TMEM74: variants seen among roughly 807,000 people sequenced by gnomAD.
TMEM74 encodes transmembrane protein 74.
A neutral mutation model predicts 18.1 loss-of-function variants in TMEM74; 13 were observed. That is an observed-to-expected ratio of 0.72 (90% CI 0.47 to 1.14). The LOEUF is 1.14. Among genes scored for constraint, TMEM74 ranks in the 50% most tolerant of loss-of-function variants. The pLI, the probability that TMEM74 is intolerant of heterozygous loss-of-function variation, is 0.00. For synonymous variants in TMEM74, 159 were observed against 146.6 expected (o/e 1.08, Z -0.61); for missense variants, 372 against 375.9 (o/e 0.99, Z 0.09).
At chr8:108,682,141 T>C (rs1813121558) in intron 1 of TMEM74, among the ~76,000 whole-genome samples, 2 of 152,150 alleles carry the variant, frequency 1.3e-5, no homozygotes, top group Admixed American at 1.3e-4. Flanking sequence ...AGGTTCATTA[T>C]GCTCAGGTAT....
At chr8:108,742,997 G>A (rs909159021) in intron 1 of TMEM74, among the ~76,000 whole-genome samples, 1 of 152,174 alleles carries the variant, frequency 6.6e-6, no homozygotes, top group African/African-American at 2.4e-5. Flanking sequence ...TTTGCATTCA[G>A]CACAAGTGGC....
chr8:108,673,049 A>G (rs1348463918), intron 1 of TMEM74, among the ~76,000 whole-genome samples: 1 of 152,218 alleles, frequency 6.6e-6, no homozygotes, highest in Non-Finnish European at 1.5e-5. Context: ...AGAGACGTAA[A>G]TAGAGCATAA....
chr8:108,676,391 A>C (rs1813056564), intron 1 of TMEM74, among the ~76,000 whole-genome samples: 1 of 152,130 alleles, frequency 6.6e-6, no homozygotes, highest in Admixed American at 6.6e-5. Context: ...TTTCTGATGC[A>C]CTGGCCTCCT....
intron 1 of TMEM74, among the ~76,000 whole-genome samples, chr8:108,676,926 G>C (rs1813061305): frequency 6.6e-6 from 1 of 152,198 alleles, no homozygotes; most frequent in Admixed American, 6.6e-5. Context: ...TTATGAGCTT[G>C]ACTTAGAAAG....
In TMEM74 at chr8:108,762,484, G is replaced by A. The variant is rs570715617; in HGVS notation, n.119+24992C>T. 7.9e-5 allele frequency among the ~76,000 whole-genome samples: 12 copies of A among 152,054 alleles called. No individual in the cohort carries two copies. In the East Asian group the frequency reaches 9.7e-4, roughly 12 times the overall value. The stretch of plus-strand genomic sequence containing the variant: ...TTTTCAGTTCCTTTGTTTATCTGTC[G>A]TAAGTATTCAGGGATTTTGAACTCA... On this transcript the variant is annotated intron_variant and non_coding_transcript_variant, in intron 1 of 3. Transcript: ENST00000518838.
chr8:108,725,400 T>G lies in TMEM74; in HGVS notation n.119+62076A>C, dbSNP rs537445635. ...AAGGAAAATAGGGGCTCAAAACCAC[T>G]TCTTAAACAAATGAATGGGTAAATA... On this transcript the variant is annotated intron_variant and non_coding_transcript_variant, in intron 1 of 3. Transcript: ENST00000518838. 2.0e-5 allele frequency among the ~76,000 whole-genome samples: 3 copies of G among 152,278 alleles called. No homozygotes were observed. The East Asian group carries it at 5.8e-4, about 29-fold the overall frequency.
At chr8:108,731,516 A>T (rs970342525) in intron 1 of TMEM74, among the ~76,000 whole-genome samples, 1 of 152,170 alleles carries the variant, frequency 6.6e-6, no homozygotes, top group African/African-American at 2.4e-5. Context: ...TGAGTTTTCA[A>T]ATAAAAATTT....
At chr8:108,708,444 C>T (rs1009388915) in intron 1 of TMEM74, among the ~76,000 whole-genome samples, 1 of 151,988 alleles carries the variant, frequency 6.6e-6, no homozygotes, top group African/African-American at 2.4e-5. Context: ...GTTTTTAGCT[C>T]TTTGAGGAAT....
At chr8:108,759,077 TG>T (rs1188244765) in intron 1 of TMEM74, among the ~76,000 whole-genome samples, 1 of 152,040 alleles carries the variant, frequency 6.6e-6, no homozygotes, top group Non-Finnish European at 1.5e-5. Flanking sequence ...ATAAAATCCA[TG>T]TATTAGAAGT....
chr8:108,673,893 T>C (rs945911257), intron 1 of TMEM74, among the ~76,000 whole-genome samples: 2 of 152,224 alleles, frequency 1.3e-5, no homozygotes, highest in Non-Finnish European at 2.9e-5. Flanking sequence ...CTATTGTTAA[T>C]ACTTTGATTT....
chr8:108,627,626 G>T (rs1812507493), intron 2 of TMEM74, among the ~76,000 whole-genome samples: 1 of 151,930 alleles, frequency 6.6e-6, no homozygotes, highest in Non-Finnish European at 1.5e-5. Context: ...ATACTCAAAG[G>T]GGAGGAACCT....
At chr8:108,713,210 A>G in intron 1 of TMEM74, among the ~76,000 whole-genome samples, 1 of 152,306 alleles carries the variant, frequency 6.6e-6, no homozygotes, top group East Asian at 1.9e-4. Flanking sequence ...TTAGCAACTG[A>G]AATAGCATAT....
chr8:108,608,832 T>C (rs1812305243), intron 2 of TMEM74: 1 of 152,134 alleles, frequency 6.6e-6, no homozygotes, highest in African/African-American at 2.4e-5. Context: ...CATTACTGGA[T>C]ATGGAATGAA....
chr8:108,733,375 G>A (rs968648874), intron 1 of TMEM74, among the ~76,000 whole-genome samples: 3 of 152,250 alleles, frequency 2.0e-5, no homozygotes, highest in East Asian at 1.9e-4. Context: ...ACGATGTTGA[G>A]TAAGAGAGAA....
intron 1 of TMEM74, among the ~76,000 whole-genome samples, chr8:108,735,215 C>G (rs1813736316): frequency 6.6e-6 from 1 of 152,220 alleles, no homozygotes; most frequent in South Asian, 2.1e-4. Flanking sequence ...AAACAATTCA[C>G]TTACCATAAA....
chr8:108,766,042 T>C (rs1814103584), intron 1 of TMEM74, among the ~76,000 whole-genome samples: 1 of 152,164 alleles, frequency 6.6e-6, no homozygotes, highest in South Asian at 2.1e-4. Flanking sequence ...ACAATGAAAA[T>C]ACTTGCATTT....
At chr8:108,672,310 T>C (rs1813012025) in intron 1 of TMEM74, among the ~76,000 whole-genome samples, 1 of 152,228 alleles carries the variant, frequency 6.6e-6, no homozygotes, top group Non-Finnish European at 1.5e-5. Context: ...AACCTCAGGC[T>C]GTGTCTAAAT....
chr8:108,649,122 C>A (rs1159866071), intron 2 of TMEM74, among the ~76,000 whole-genome samples: 1 of 152,066 alleles, frequency 6.6e-6, no homozygotes, highest in Admixed American at 6.6e-5. Flanking sequence ...ATGAACTAGA[C>A]CCTGCAGCAG....
intron 1 of TMEM74, among the ~76,000 whole-genome samples, chr8:108,713,651 T>C (rs1813494449): frequency 1.3e-5 from 2 of 152,336 alleles, no homozygotes; most frequent in South Asian, 4.1e-4. Flanking sequence ...AGGGCATACA[T>C]ATACCATGTT....
Sources: gnomAD v4.1 joint callset for allele counts (sites outside exome capture counted in the v4.1 genomes callset) on GRCh38, gnomAD v4.1.1 for gene constraint, MANE v1.5 for transcripts, NCBI Gene and HGNC (gene_info 2026-07-23, HGNC 2026-07-21) for gene names.